The following EXOC4 variants were observed in gnomAD, a reference collection of about 807,000 sequenced individuals.
The protein encoded by EXOC4 is exocyst complex component 4, also known as SEC8-like 1.
A neutral mutation model predicts 107.2 loss-of-function variants in EXOC4; 71 were observed. The observed-to-expected ratio is 0.66, with a 90% confidence interval of 0.55 to 0.81. The LOEUF is 0.81. Ranked by LOEUF, EXOC4 falls within the 30% of genes least tolerant of loss-of-function variation. The pLI is 0.00. For synonymous variants in EXOC4, 456 were observed against 441.2 expected (o/e 1.03, Z -0.42); for missense variants, 1,108 against 1,189.6 (o/e 0.93, Z 1.01).
At chr7:133,962,983 C>T (rs1800980846) in intron 14 of EXOC4, among the ~76,000 whole-genome samples, 1 of 152,204 alleles carries the variant, frequency 6.6e-6, no homozygotes. Context: ...TATTGTGATC[C>T]AAAGAGGATT....
chr7:133,919,302 C>A (rs1015706307), intron 13 of EXOC4, among the ~76,000 whole-genome samples: 1 of 152,120 alleles, frequency 6.6e-6, no homozygotes, highest in Admixed American at 6.5e-5. Context: ...CTCCCCCAAC[C>A]ATTTCCTCTG....
chr7:134,036,534 G>T (rs978649720), intron 17 of EXOC4, among the ~76,000 whole-genome samples: 2 of 152,192 alleles, frequency 1.3e-5, no homozygotes, highest in African/African-American at 2.4e-5. Flanking sequence ...GCTGCAGTGA[G>T]CCATGTTCAT....
At chr7:133,576,129 TGTATGGCTAG>T (rs1801121535) in intron 9 of EXOC4, among the ~76,000 whole-genome samples, 1 of 152,192 alleles carries the variant, frequency 6.6e-6, no homozygotes, top group Non-Finnish European at 1.5e-5. Flanking sequence ...CTAAATCACA[TGTATGGCTAG>T]GTTCTTTCCC....
intron 9 of EXOC4, among the ~76,000 whole-genome samples, chr7:133,511,071 C>G (rs1440081250): frequency 6.6e-6 from 1 of 151,682 alleles, no homozygotes; most frequent in Non-Finnish European, 1.5e-5. Context: ...ATTATTAATC[C>G]AGAACATTTA....
chr7:133,408,931 C>T (rs1797290653), intron 7 of EXOC4, among the ~76,000 whole-genome samples: 1 of 152,126 alleles, frequency 6.6e-6, no homozygotes, highest in Non-Finnish European at 1.5e-5. Flanking sequence ...ATTTATAAGA[C>T]CAAAAGACCT....
At chr7:133,313,715 AT>A (rs1220765365) in intron 4 of EXOC4, among the ~76,000 whole-genome samples, 1 of 152,198 alleles carries the variant, frequency 6.6e-6, no homozygotes, top group East Asian at 1.9e-4. Flanking sequence ...GAAATCTAAC[AT>A]TTAGAAGCAG....
chr7:133,300,483 C>T (rs981611063), intron 3 of EXOC4, among the ~76,000 whole-genome samples: 6 of 152,170 alleles, frequency 3.9e-5, no homozygotes, highest in Non-Finnish European at 8.8e-5. Flanking sequence ...TTCCCTTTCA[C>T]GTCCCATACT....
chr7:133,286,198 C>T (rs1456165068), intron 2 of EXOC4, among the ~76,000 whole-genome samples: 1 of 152,100 alleles, frequency 6.6e-6, no homozygotes, highest in Non-Finnish European at 1.5e-5. Flanking sequence ...TACCTCCTAT[C>T]TCATTTTTTG....
At chr7:133,609,607 G>A (rs991671134) in intron 9 of EXOC4, among the ~76,000 whole-genome samples, 1 of 152,176 alleles carries the variant, frequency 6.6e-6, no homozygotes, top group African/African-American at 2.4e-5. Context: ...GTAAAGCATA[G>A]TTATAACTAA....
At chr7:134,021,376 T>G (rs1055815863) in intron 17 of EXOC4, among the ~76,000 whole-genome samples, 4 of 152,156 alleles carry the variant, frequency 2.6e-5, no homozygotes, top group African/African-American at 9.7e-5. Flanking sequence ...GTAAAACAGA[T>G]CTAGACGCTG....
At chr7:133,828,631 C>T (rs1027578744) in intron 11 of EXOC4, among the ~76,000 whole-genome samples, 1 of 152,124 alleles carries the variant, frequency 6.6e-6, no homozygotes, top group Non-Finnish European at 1.5e-5. Context: ...AAGGATCCTG[C>T]CCTACTCAAA....
At chr7:133,351,493 G>C (rs1276982589) in intron 5 of EXOC4, among the ~76,000 whole-genome samples, 1 of 151,902 alleles carries the variant, frequency 6.6e-6, no homozygotes, top group Non-Finnish European at 1.5e-5. Context: ...ATTATTCACA[G>C]TACTCTGTTT....
intron 9 of EXOC4, among the ~76,000 whole-genome samples, chr7:133,618,030 T>C (rs1802237510): frequency 6.6e-6 from 1 of 152,154 alleles, no homozygotes; most frequent in Admixed American, 6.6e-5. Flanking sequence ...TTAATCAGGA[T>C]TCAGTAGAGG....
At position 133,576,449 on chromosome 7, in the gene EXOC4, A is replaced by G. The variant is rs10278948; in HGVS notation, c.1418-53596A>G. On this transcript the variant is annotated intron_variant, in intron 9 of 17. Coordinates refer to ENST00000253861, the MANE Select transcript of EXOC4 (RefSeq NM_021807.4). ...TGTAGTATATTACTACACTTAAAAA[A>G]TTATTTAACCCATTTATAGAGGGCA... The G allele has an allele frequency of 6.4e-3, 7,880 of 1,230,216 alleles. 387 individuals are homozygous for G. The African/African-American group carries it at 0.11, about 17-fold the overall frequency. The allele number at this position is 1,230,216 out of a possible 1,614,324, so 76.2% of individuals were successfully genotyped here.
chr7:133,859,028 C>T (rs981629562), intron 11 of EXOC4, among the ~76,000 whole-genome samples: 11 of 152,126 alleles, frequency 7.2e-5, no homozygotes, highest in Non-Finnish European at 2.9e-5. Flanking sequence ...TTTGCAGAAC[C>T]CCACCCAGTG....
At chr7:133,761,367 T>G (rs978828316) in intron 10 of EXOC4, among the ~76,000 whole-genome samples, 1 of 152,138 alleles carries the variant, frequency 6.6e-6, no homozygotes, top group Non-Finnish European at 1.5e-5. Flanking sequence ...ATGTGAGAGT[T>G]TAAGGGTGCT....
At chr7:133,694,697 CATTTTTCTTTAT>C (rs1562911201) in intron 10 of EXOC4, among the ~76,000 whole-genome samples, 3 of 152,134 alleles carry the variant, frequency 2.0e-5, no homozygotes, top group Non-Finnish European at 4.4e-5. Flanking sequence ...TCACTGTAAA[CATTTTTCTTTAT>C]GTTGGGAACA....
At chr7:133,363,534 G>C (rs1051266865) in intron 6 of EXOC4, among the ~76,000 whole-genome samples, 3 of 151,236 alleles carry the variant, frequency 2.0e-5, no homozygotes, top group African/African-American at 4.9e-5. Flanking sequence ...TTAGAGAAAG[G>C]CTTCTTGGCT....
chr7:133,757,333 G>GA (rs1795939907), intron 10 of EXOC4, among the ~76,000 whole-genome samples: 2 of 152,182 alleles, frequency 1.3e-5, no homozygotes, highest in Admixed American at 1.3e-4. Context: ...GTAGTTTTAG[G>GA]AAAAAAATAT....
Sources: allele counts gnomAD v4.1 joint callset (sites outside exome capture counted in the v4.1 genomes callset), GRCh38; gene constraint gnomAD v4.1.1; transcripts MANE v1.5; gene names NCBI Gene and HGNC (gene_info 2026-07-23, HGNC 2026-07-21).